RGS6: variants seen among roughly 807,000 people sequenced by gnomAD.
RGS6 encodes the protein regulator of G-protein signaling 6.
Under a neutral mutation model 78.5 loss-of-function variants are expected in RGS6, and 30 were observed. That is an observed-to-expected ratio of 0.38 (90% CI 0.29 to 0.52). The LOEUF is 0.52. RGS6 is among the 20% of genes least tolerant of loss of function. RGS6 has a pLI of 0.85. For synonymous variants in RGS6, 206 were observed against 206.0 expected, an observed-to-expected ratio of 1.00 and a Z score of 0.00; for missense variants, 495 against 609.7, an observed-to-expected ratio of 0.81 and a Z score of 1.98.
Position 72,124,571 on chromosome 14 carries a change from C to G in RGS6, c.84+159696C>G, listed in dbSNP as rs189248976. Among the ~76,000 whole-genome samples, 232 of 152,288 alleles carry G rather than the reference C, an allele frequency of 1.5e-3. 1 individual carries two copies. Among genetic ancestry groups the G allele is most frequent in the African/African-American group, 5.5e-3 (228 of 41,566 alleles). ...TTTGAAATATAATTTAATCTATTAA[C>G]AGTTTACCCTAGATTTTAAGCCATT... On this transcript the variant is annotated intron_variant, in intron 2 of 17. Transcript: ENST00000553525.
chr14:72,057,568 A>G (rs150218385), intron 2 of RGS6, among the ~76,000 whole-genome samples: 25 of 152,228 alleles, frequency 1.6e-4, no homozygotes, highest in African/African-American at 5.8e-4. Flanking sequence ...TCCCATGATG[A>G]TACTCGCTGC....
intron 3 of RGS6, among the ~76,000 whole-genome samples, chr14:72,393,227 C>A (rs2090424831): frequency 6.6e-6 from 1 of 152,106 alleles, no homozygotes; most frequent in Non-Finnish European, 1.5e-5. Context: ...GTTGGGGAAC[C>A]AGGACTGAGC....
intron 2 of RGS6, among the ~76,000 whole-genome samples, chr14:72,233,211 T>C (rs1402058): frequency 0.45 from 68,855 of 152,044 alleles, 15,921 homozygotes; most frequent in Middle Eastern, 0.62. Context: ...TGGCCTTGCA[T>C]TTGTAGAGAA....
At chr14:72,126,941 G>C (rs1238865000) in intron 2 of RGS6, among the ~76,000 whole-genome samples, 1 of 152,154 alleles carries the variant, frequency 6.6e-6, no homozygotes, top group Non-Finnish European at 1.5e-5. Context: ...CGCAGCTTTA[G>C]CTGATCCCAT....
At chr14:72,234,605 G>A (rs1351903944) in intron 2 of RGS6, among the ~76,000 whole-genome samples, 1 of 152,092 alleles carries the variant, frequency 6.6e-6, no homozygotes, top group African/African-American at 2.4e-5. Context: ...CTTGGCTCCA[G>A]TGCCACCCTG....
Position 72,093,023 on chromosome 14 carries a change from A to T in RGS6, c.84+128148A>T, listed in dbSNP as rs190009535. 8.1e-5 allele frequency among the ~76,000 whole-genome samples: 10 copies of T among 123,992 alleles called. No homozygotes were observed. In the East Asian group the frequency reaches 2.2e-3, roughly 27 times the overall value. 81.3% of individuals were successfully genotyped at this position (123,992 alleles called of 152,430 possible). A position where few individuals can be genotyped will look rare whatever the true frequency, so the allele number is the denominator to read the frequency against. ...TTGTTTCCATTATGAAACACTTCAG[A>T]CATACCAAAAGTGTGTGTGTGTGTG... On this transcript the variant is annotated intron_variant, in intron 2 of 17. Transcript: ENST00000553525.
intron 2 of RGS6, among the ~76,000 whole-genome samples, chr14:72,190,529 G>A (rs370134036): frequency 4.6e-5 from 7 of 152,158 alleles, no homozygotes; most frequent in African/African-American, 1.2e-4. Flanking sequence ...GGCCCTTCAC[G>A]GGCAGTGGAA....
intron 2 of RGS6, among the ~76,000 whole-genome samples, chr14:71,976,417 C>G (rs955937293): frequency 7.5e-6 from 1 of 133,370 alleles, no homozygotes; most frequent in Non-Finnish European, 1.6e-5. Context: ...CCCCCTCCCC[C>G]CACCCCACAA....
intron 2 of RGS6, among the ~76,000 whole-genome samples, chr14:71,996,994 T>C (rs2095230677): frequency 6.6e-6 from 1 of 152,090 alleles, no homozygotes; most frequent in Admixed American, 6.5e-5. Flanking sequence ...TGAGGTTTGA[T>C]ATGCATGATC....
At chr14:72,189,786 C>T (rs1458319468) in intron 2 of RGS6, among the ~76,000 whole-genome samples, 1 of 152,022 alleles carries the variant, frequency 6.6e-6, no homozygotes, top group South Asian at 2.1e-4. Flanking sequence ...TCTTTCTAGG[C>T]AGAAATGAAT....
At chr14:72,441,618 A>G (rs1295821105) in intron 3 of RGS6, among the ~76,000 whole-genome samples, 1 of 152,176 alleles carries the variant, frequency 6.6e-6, no homozygotes, top group Non-Finnish European at 1.5e-5. Context: ...TCCTCCTGTC[A>G]CTGCTGCTGC....
chr14:72,408,990 T>C (rs1475503498), intron 3 of RGS6, among the ~76,000 whole-genome samples: 1 of 152,200 alleles, frequency 6.6e-6, no homozygotes, highest in Non-Finnish European at 1.5e-5. Context: ...AAATGACTCT[T>C]ATTCTGATGA....
intron 2 of RGS6, among the ~76,000 whole-genome samples, chr14:71,991,588 A>G (rs2094955799): frequency 6.6e-6 from 1 of 152,200 alleles, no homozygotes; most frequent in Admixed American, 6.5e-5. Flanking sequence ...GAAATTATAG[A>G]TAAGCCAAAG....
upstream of RGS6, among the ~76,000 whole-genome samples, chr14:71,927,670 T>C (rs1377009285): frequency 1.3e-5 from 2 of 151,916 alleles, no homozygotes; most frequent in African/African-American, 4.8e-5. Context: ...TTTCTTTTTT[T>C]TTTTTGAGAC....
chr14:72,509,978 G>C (rs995743617), intron 13 of RGS6, among the ~76,000 whole-genome samples, 176 bp from the exon 14 acceptor site: 1 of 152,148 alleles, frequency 6.6e-6, no homozygotes, highest in Non-Finnish European at 1.5e-5. Flanking sequence ...GGTTACTGTT[G>C]GTGTACCAAA....
At chr14:71,922,284 C>T in the RGS6 span, among the ~76,000 whole-genome samples, 4 of 152,316 alleles carry the variant, frequency 2.6e-5, no homozygotes, top group East Asian at 5.8e-4. Context: ...ATTCTGAACT[C>T]GACAGGTTCT....
intron 2 of RGS6, among the ~76,000 whole-genome samples, chr14:72,254,384 C>T (rs1158477310): frequency 6.6e-5 from 10 of 152,140 alleles, no homozygotes; most frequent in South Asian, 4.1e-4. Flanking sequence ...GTTGGGGCCA[C>T]GCCTCTTGTG....
rs143510126 is a variant in RGS6 at position 72,188,812 on chromosome 14, A to G, written c.85-163283A>G. 1.4e-3 allele frequency among the ~76,000 whole-genome samples: 219 copies of G among 152,268 alleles called. 2 individuals are homozygous for G. The highest frequency in any genetic ancestry group is 5.2e-3 in the African/African-American group (216 of 41,556). ...GGATGACTTCATTGCTCACGACACC[A>G]ATGTGCCTTAAAATTCTGTGATTAA... On this transcript the variant is annotated intron_variant, in intron 2 of 17. Coordinates refer to ENST00000553525, the MANE Select transcript of RGS6 (RefSeq NM_001204424.2).
intron 2 of RGS6, among the ~76,000 whole-genome samples, chr14:72,298,728 G>A (rs998647583): frequency 2.0e-5 from 3 of 152,160 alleles, no homozygotes; most frequent in African/African-American, 4.8e-5. Context: ...GATTACAGGC[G>A]TGAGCCACTG....
Sources: gnomAD v4.1 joint callset for allele counts (sites outside exome capture counted in the v4.1 genomes callset) on GRCh38, gnomAD v4.1.1 for gene constraint, MANE v1.5 for transcripts, NCBI Gene and HGNC (gene_info 2026-07-23, HGNC 2026-07-21) for gene names.